The following ARL17B variants were observed in gnomAD, a reference collection of about 807,000 sequenced individuals.
ARL17B encodes ADP-ribosylation factor-like protein 17.
chr17:46,319,212 A>ATTTTTTTTTT lies in ARL17B; in HGVS notation c.260-19557_260-19548dup, dbSNP rs1225879085. On this transcript the variant is annotated intron_variant, in intron 3 of 4. Coordinates refer to the ARL17B transcript ENST00000434041. The stretch of plus-strand genomic sequence containing the variant: ...GTTCTGAAAAAGTTTATTGTGGTCA[A>ATTTTTTTTTT]TTTTTTTTTTTTTTTTTTTTTTTTT... Among the ~76,000 whole-genome samples, 16 of 1,638 alleles carry ATTTTTTTTTT rather than the reference A, an allele frequency of 9.8e-3. 2 individuals carry two copies. Among genetic ancestry groups the ATTTTTTTTTT allele is most frequent in the East Asian group, 0.026 (5 of 190 alleles). The allele number at this position is 1,638 out of a possible 152,430, so 1.1% of individuals were successfully genotyped here.
intron 3 of ARL17B, among the ~76,000 whole-genome samples, chr17:46,323,879 A>G (rs1240462911): frequency 1.0e-5 from 1 of 97,462 alleles, no homozygotes; most frequent in Non-Finnish European, 2.3e-5. Flanking sequence ...TAGAAAATTT[A>G]AAATACAGTA....
At chr17:46,284,483 G>A (rs1395964102) in intron 4 of ARL17B, among the ~76,000 whole-genome samples, 2 of 152,258 alleles carry the variant, frequency 1.3e-5, no homozygotes, top group Non-Finnish European at 2.9e-5. Context: ...TCTCAAGGCA[G>A]AAGAACTTTT....
At chr17:46,291,307 T>C (rs1437952854) in intron 4 of ARL17B, among the ~76,000 whole-genome samples, 3 of 152,188 alleles carry the variant, frequency 2.0e-5, no homozygotes, top group Non-Finnish European at 2.9e-5. Flanking sequence ...AAAAGAGAAA[T>C]TGAAAAGACA....
chr17:46,327,063 T>C (rs2051769323), intron 3 of ARL17B, among the ~76,000 whole-genome samples: 1 of 86,176 alleles, frequency 1.2e-5, no homozygotes, highest in Admixed American at 1.2e-4. Context: ...TCTACTTTCT[T>C]TGATCTTCCA....
chr17:46,290,214 C>T lies in ARL17B; in HGVS notation c.*21+9312G>A, dbSNP rs2050029525. Among the ~76,000 whole-genome samples, 3 of 151,870 alleles carry T rather than the reference C, an allele frequency of 2.0e-5. No homozygotes were observed. In the South Asian group the frequency reaches 6.2e-4, roughly 32 times the overall value. ...GTGCTATCATGGCTCACTGCAGGGTCGACCTCCTGGGGTCAAGCAGTCCCC... is the reference window on the plus strand; with the variant it reads ...GTGCTATCATGGCTCACTGCAGGGTTGACCTCCTGGGGTCAAGCAGTCCCC... On this transcript the variant is annotated intron_variant, in intron 4 of 4. Coordinates refer to the ARL17B transcript ENST00000570618.
intron 3 of ARL17B, among the ~76,000 whole-genome samples, chr17:46,343,322 C>CATAATTT (rs2144224758): frequency 6.8e-6 from 1 of 147,698 alleles, no homozygotes; most frequent in Non-Finnish European, 1.5e-5. Context: ...GATTATGGTA[C>CATAATTT]ATGTGGAAGA....
chr17:46,281,559 A>G (rs1270798597), intron 4 of ARL17B, among the ~76,000 whole-genome samples: 2 of 152,182 alleles, frequency 1.3e-5, no homozygotes, highest in Non-Finnish European at 2.9e-5. Context: ...CCTCCTGAGT[A>G]GCTAGGACTA....
At chr17:46,290,138 C>CT (rs961616458) in intron 4 of ARL17B, among the ~76,000 whole-genome samples, 1 of 152,274 alleles carries the variant, frequency 6.6e-6, no homozygotes, top group African/African-American at 2.4e-5. Context: ...CAAAACAAAA[C>CT]TTTTTTTTGG....
At chr17:46,343,252 TC>T (rs2052565885) in intron 3 of ARL17B, among the ~76,000 whole-genome samples, 1 of 116,128 alleles carries the variant, frequency 8.6e-6, no homozygotes, top group Non-Finnish European at 1.7e-5. Context: ...TCCAACTATG[TC>T]AGGCCCAGGC....
intron 4 of ARL17B, among the ~76,000 whole-genome samples, chr17:46,283,392 G>C (rs1288759968): frequency 6.6e-6 from 1 of 152,158 alleles, no homozygotes; most frequent in African/African-American, 2.4e-5. Context: ...CCATCTTATG[G>C]GCCTATAATG....
rs1243913808 is a variant in ARL17B, at chr17:46,340,540, T to TG, written c.260-767dup. On this transcript the variant is annotated intron_variant, in intron 3 of 3. Coordinates refer to ENST00000450673, the MANE Select transcript of ARL17B (RefSeq NM_001039083.5). ...TTGTTTTGGGTTTTGGGGTTTTTTTTGTGTTTTGTTTGTTTGTTTGTTTTT... is the reference window on the plus strand; with the variant it reads ...TTGTTTTGGGTTTTGGGGTTTTTTTTGGTGTTTTGTTTGTTTGTTTGTTTTT... Among the ~76,000 whole-genome samples the TG allele has an allele frequency of 5.6e-4, 36 of 64,716 alleles. No individual in the cohort carries two copies. In the East Asian group the frequency reaches 7.6e-3, roughly 14 times the overall value. The allele number at this position is 64,716 out of a possible 152,430, so 42.5% of individuals were successfully genotyped here.
chr17:46,316,681 T>C (rs1389611134), intron 3 of ARL17B, among the ~76,000 whole-genome samples: 2 of 60,604 alleles, frequency 3.3e-5, no homozygotes, highest in Non-Finnish European at 4.6e-5. Context: ...GGCAGGGTCA[T>C]AGGACAATAG....
intron 4 of ARL17B, among the ~76,000 whole-genome samples, chr17:46,280,681 C>T: frequency 6.9e-6 from 1 of 144,774 alleles, no homozygotes; most frequent in South Asian, 2.2e-4. Context: ...TCAAGTGATT[C>T]TCATGCCTCA....
At chr17:46,326,223 C>G (rs1049855253) in intron 3 of ARL17B, among the ~76,000 whole-genome samples, 1 of 15,378 alleles carries the variant, frequency 6.5e-5, no homozygotes, top group African/African-American at 9.7e-5. Flanking sequence ...GATTGCACCA[C>G]TGCACTCAGC....
intron 4 of ARL17B, among the ~76,000 whole-genome samples, chr17:46,289,407 G>A (rs1209242742): frequency 2.0e-5 from 3 of 147,524 alleles, no homozygotes; most frequent in African/African-American, 4.9e-5. Context: ...CTGAGCTCAA[G>A]TGATCTGCCT....
intron 4 of ARL17B, among the ~76,000 whole-genome samples, chr17:46,286,102 C>A (rs9303529): frequency 6.6e-6 from 1 of 152,172 alleles, no homozygotes; most frequent in African/African-American, 2.4e-5. Context: ...CTGCAAGATC[C>A]GAAATGGAAA....
chr17:46,277,108 T>C (rs554668873), intron 4 of ARL17B, among the ~76,000 whole-genome samples: 21 of 152,370 alleles, frequency 1.4e-4, no homozygotes, highest in East Asian at 5.8e-4. Flanking sequence ...CACAGCCTAA[T>C]TTGTTTATTT....
At chr17:46,282,757 A>G (rs1440971625) in intron 4 of ARL17B, among the ~76,000 whole-genome samples, 1 of 152,154 alleles carries the variant, frequency 6.6e-6, no homozygotes, top group East Asian at 1.9e-4. Context: ...CTTTTAAAAT[A>G]CCCTCTTAGA....
downstream of ARL17B, chr17:46,331,434 A>G: frequency 6.9e-7 from 1 of 1,443,422 alleles, no homozygotes. Flanking sequence ...ATAGAGAAGA[A>G]TAATACAAAA....
Sources: allele counts gnomAD v4.1 joint callset (sites outside exome capture counted in the v4.1 genomes callset), GRCh38; gene constraint gnomAD v4.1.1; transcripts MANE v1.5; gene names NCBI Gene and HGNC (gene_info 2026-07-23, HGNC 2026-07-21).